Variants in JAZF1 observed in about 807,000 individuals in gnomAD.
The protein encoded by JAZF1 is juxtaposed with another zinc finger protein 1.
In JAZF1, 8 loss-of-function variants were observed where a neutral mutation model predicts 26.4. The ratio of observed to expected loss-of-function variants is 0.30; its 90% CI spans 0.18 to 0.55. The LOEUF is 0.55. JAZF1 is among the 20% of genes least tolerant of loss of function. The pLI is 0.94. For synonymous variants in JAZF1, 126 were observed against 122.3 expected (o/e 1.03, Z -0.20); for missense variants, 199 against 322.0 (o/e 0.62, Z 2.92).
At chr7:28,083,433 C>T (rs1317195907) in intron 1 of JAZF1, among the ~76,000 whole-genome samples, 2 of 152,102 alleles carry the variant, frequency 1.3e-5, no homozygotes, top group Non-Finnish European at 2.9e-5. Context: ...CCATGGGTTG[C>T]AGAATAACAC....
intron 1 of JAZF1, among the ~76,000 whole-genome samples, chr7:28,071,878 T>A (rs1283454651): frequency 6.6e-6 from 1 of 152,246 alleles, no homozygotes; most frequent in Non-Finnish European, 1.5e-5. Flanking sequence ...TCGGCATTTC[T>A]TATTCCAAAA....
intron 1 of JAZF1, among the ~76,000 whole-genome samples, chr7:28,177,152 T>C (rs1482219678): frequency 2.0e-5 from 3 of 152,042 alleles, no homozygotes; most frequent in African/African-American, 7.2e-5. Flanking sequence ...GAGTTTTAGC[T>C]AGGATATTCA....
intron 1 of JAZF1, among the ~76,000 whole-genome samples, chr7:28,053,489 T>C (rs1376681003): frequency 6.6e-6 from 1 of 152,240 alleles, no homozygotes; most frequent in Non-Finnish European, 1.5e-5. Context: ...TTCTGCATCC[T>C]TGCCAATTCT....
intron 2 of JAZF1, among the ~76,000 whole-genome samples, chr7:27,904,297 C>T (rs557062912): frequency 7.2e-5 from 11 of 152,302 alleles, no homozygotes; most frequent in African/African-American, 2.6e-4. Context: ...TCAGAACGTA[C>T]ATCTGCTAAT....
intron 1 of JAZF1, among the ~76,000 whole-genome samples, chr7:28,095,122 AT>A (rs1384044978): frequency 2.0e-5 from 3 of 152,130 alleles, no homozygotes; most frequent in African/African-American, 7.2e-5. Context: ...CTCCCATCTT[AT>A]TCCCACAAGT....
At chr7:27,913,189 G>A (rs1784388021) in intron 2 of JAZF1, among the ~76,000 whole-genome samples, 1 of 150,180 alleles carries the variant, frequency 6.7e-6, no homozygotes, top group Non-Finnish European at 1.5e-5. Flanking sequence ...ATACAGAACA[G>A]CATACATTAA....
chr7:27,918,764 G>T (rs2128347320), intron 2 of JAZF1, among the ~76,000 whole-genome samples: 1 of 152,066 alleles, frequency 6.6e-6, no homozygotes, highest in Non-Finnish European at 1.5e-5. Context: ...GACTATACAT[G>T]TCCTGTTCAC....
At chr7:27,992,065 A>G (rs1485439349) in intron 1 of JAZF1, 84 bp from the exon 2 acceptor site, 3 of 838,394 alleles carry the variant, frequency 3.6e-6, no homozygotes, top group Admixed American at 1.7e-5. Flanking sequence ...ACAGAGGCTA[A>G]GCAGAGAAAA....
At chr7:27,864,181 A>T (rs1047096141) in intron 3 of JAZF1, 1 of 152,214 alleles carries the variant, frequency 6.6e-6, no homozygotes, top group African/African-American at 2.4e-5. Flanking sequence ...GCATCAGGGA[A>T]GAAGGAAGAA....
chr7:28,037,920 C>G (rs1475303361), intron 1 of JAZF1, among the ~76,000 whole-genome samples: 4 of 152,212 alleles, frequency 2.6e-5, no homozygotes, highest in Non-Finnish European at 5.9e-5. Context: ...ACGTCAAACT[C>G]ACTTTTCTCT....
At chr7:28,159,024 A>G (rs544712506) in intron 1 of JAZF1, among the ~76,000 whole-genome samples, 5 of 152,226 alleles carry the variant, frequency 3.3e-5, no homozygotes, top group African/African-American at 1.2e-4. Flanking sequence ...CCCTGCCCTT[A>G]AGGAGCTCAC....
chr7:27,886,810 T>C (rs899533096), intron 3 of JAZF1, among the ~76,000 whole-genome samples: 12 of 152,124 alleles, frequency 7.9e-5, no homozygotes, highest in Middle Eastern at 3.2e-3. Flanking sequence ...TAAATGTTCA[T>C]TGCAGCACTA....
intron 2 of JAZF1, among the ~76,000 whole-genome samples, chr7:27,950,669 T>G (rs1784994112): frequency 6.6e-6 from 1 of 152,168 alleles, no homozygotes; most frequent in Admixed American, 6.5e-5. Flanking sequence ...CAAACTTGGT[T>G]AACAAAACTT....
Position 27,832,695 on chromosome 7 carries a change from CTT to C in JAZF1, c.*103_*104del. ...AAAAATTTAAAGCATGCATTTAATT[CTT>C]TTTCTTTAAAGGGTTGCTGAATGCT... On this transcript the variant is annotated 3_prime_UTR_variant, in exon 5 of 5. Coordinates refer to ENST00000283928, the MANE Select transcript of JAZF1 (RefSeq NM_175061.4). 1 of 929,304 alleles carries C rather than the reference CTT, an allele frequency of 1.1e-6. No individual in the cohort carries two copies. Among genetic ancestry groups the C allele is most frequent in the Non-Finnish European group, 1.6e-6 (1 of 637,152 alleles). The allele number at this position is 929,304 out of a possible 1,614,324, so 57.6% of individuals were successfully genotyped here. A position where few individuals can be genotyped will look rare whatever the true frequency, so the allele number is the denominator to read the frequency against.
chr7:27,890,784 C>CTTTTT (rs70977008), intron 3 of JAZF1, among the ~76,000 whole-genome samples: 8 of 92,022 alleles, frequency 8.7e-5, no homozygotes, highest in South Asian at 3.8e-4. Flanking sequence ...GATGTTACTA[C>CTTTTT]TTTTTTTTTT....
intron 1 of JAZF1, among the ~76,000 whole-genome samples, chr7:27,995,139 T>C (rs1482532425): frequency 6.6e-6 from 1 of 152,186 alleles, no homozygotes; most frequent in Admixed American, 6.5e-5. Flanking sequence ...TTTTTGAACA[T>C]GATAAATCGC....
chr7:27,935,284 T>C (rs572915490), intron 2 of JAZF1, among the ~76,000 whole-genome samples: 1 of 152,324 alleles, frequency 6.6e-6, no homozygotes, highest in African/African-American at 2.4e-5. Flanking sequence ...GGAAAATAGT[T>C]GGCGGATCCT....
chr7:28,118,616 A>G lies in JAZF1; in HGVS notation c.115+61847T>C, dbSNP rs561520772. Among the ~76,000 whole-genome samples, 6 of 152,358 alleles carry G rather than the reference A, an allele frequency of 3.9e-5. No homozygotes were observed. In the South Asian group the frequency reaches 1.0e-3, roughly 26 times the overall value. On this transcript the variant is annotated intron_variant, in intron 1 of 4. Coordinates refer to ENST00000283928, the MANE Select transcript of JAZF1 (RefSeq NM_175061.4). ...AAAAATGTGAAAGCTACAGTATTCT[A>G]TGGCAAATGACTTTGTATTTCATTA...
intron 2 of JAZF1, chr7:27,913,480 A>G: frequency 2.6e-6 from 1 of 390,312 alleles, no homozygotes; most frequent in South Asian, 1.9e-5. Flanking sequence ...GTGGGGAACA[A>G]AGAGACCCCA....
Sources: gnomAD v4.1 joint callset for allele counts (sites outside exome capture counted in the v4.1 genomes callset) on GRCh38, gnomAD v4.1.1 for gene constraint, MANE v1.5 for transcripts, NCBI Gene and HGNC (gene_info 2026-07-23, HGNC 2026-07-21) for gene names.